TEDC1: variants seen among roughly 807,000 people sequenced by gnomAD.
TEDC1 encodes the protein tubulin epsilon and delta complex 1.
In TEDC1, 54 loss-of-function variants were observed where a neutral mutation model predicts 59.9. The ratio of observed to expected loss-of-function variants is 0.90; its 90% confidence interval spans 0.72 to 1.13. The LOEUF (loss-of-function observed/expected upper bound fraction) is 1.13, where lower values mean the gene tolerates loss of function less well. Among genes scored for constraint, TEDC1 ranks in the 50% most tolerant of loss-of-function variants. TEDC1 has a pLI of 0.00. For missense variants in TEDC1, 734 were observed against 683.4 expected, an observed-to-expected ratio of 1.07 and a Z score of -0.83; for synonymous variants, 353 against 298.1, an observed-to-expected ratio of 1.18 and a Z score of -1.90.
chr14:105,493,250 G>A (rs921347142), intron 4 of TEDC1, among the ~76,000 whole-genome samples: 1 of 152,038 alleles, frequency 6.6e-6, no homozygotes, highest in Non-Finnish European at 1.5e-5. Context: ...TGGCAGCGGC[G>A]GGCTCCCACC....
At position 105,498,907 on chromosome 14, in the gene TEDC1, C is replaced by G. The variant is rs782591171; in HGVS notation, c.1449C>G (p.Ala483=). 5 of 1,610,722 alleles carry G rather than the reference C, an allele frequency of 3.1e-6. No homozygotes were observed. Among genetic ancestry groups the G allele is most frequent in the Admixed American group, 3.3e-5 (2 of 59,848 alleles). ...CRQELARLVG[A]RPGLIWIPPP... ...AGGAACTGGCCAGGCTGGTGGGAGC[C>G]CGCCCTGGTCTCATCTGGATCCCGC... is the stretch of plus-strand genomic sequence containing the variant. The change falls in exon 9 of 9, where the codon GCC becomes GCG. Residue 483 remains alanine, a synonymous_variant. Transcript: ENST00000392523.
rs2084275152 is a variant in TEDC1, at chr14:105,493,817, C to T, written c.586-18C>T. ...GCTTGACTGCCACTCAGCCTGGGGT[C>T]TGCACTACCTGTTTTAGATCCACCT... On this transcript the variant is annotated intron_variant, in intron 4 of 8. Coordinates refer to ENST00000392523, the MANE Select transcript of TEDC1 (RefSeq NM_001367178.1). The T allele has an allele frequency of 1.9e-6, 3 of 1,589,436 alleles. No homozygotes were observed. Among genetic ancestry groups the T allele is most frequent in the Non-Finnish European group, 2.6e-6 (3 of 1,165,134 alleles).
chr14:105,495,655 C>A, intron 5 of TEDC1: 1 of 556,944 alleles, frequency 1.8e-6, no homozygotes, highest in South Asian at 2.2e-5. Flanking sequence ...TCCCTACCTG[C>A]CTTGTAGAGG....
upstream of TEDC1, chr14:105,490,367 C>G (rs2141779264): frequency 6.6e-6 from 1 of 152,472 alleles, no homozygotes; most frequent in East Asian, 1.9e-4. Context: ...ATCGCGGGAA[C>G]AGCCCCGGTG....
intron 5 of TEDC1, 77 bp from the exon 6 acceptor site, chr14:105,495,803 T>C: frequency 2.5e-6 from 3 of 1,213,220 alleles, no homozygotes; most frequent in Non-Finnish European, 3.4e-6. Context: ...GGCCTGGAAG[T>C]GAGGCCCCGC....
Position 105,498,657 on chromosome 14 carries a change from G to T in TEDC1, c.1199G>T (p.Arg400Leu). The T allele has an allele frequency of 6.4e-7, 1 of 1,554,738 alleles. No individual in the cohort carries two copies. Among genetic ancestry groups the T allele is most frequent in the South Asian group, 1.2e-5 (1 of 84,224 alleles). The change falls in exon 9 of 9, where the codon CGG (arginine) becomes CTG (leucine). Residue 400 changes from arginine to leucine, a missense_variant. Physicochemically the swap from Arg to Leu is moderately radical, Grantham distance 102 (BLOSUM62 -2). Coordinates refer to ENST00000392523, the MANE Select transcript of TEDC1 (RefSeq NM_001367178.1). Reference protein sequence around the residue: ...CGRGPEWSAARRASREAVEKE... With the variant: ...CGRGPEWSAALRASREAVEKE... ...CGGGGGCCAGAGTGGAGTGCCGCGC[G>T]GCGGGCCTCTCGGGAGGCTGTGGAA...
At chr14:105,491,733 A>G (rs1555439416) in intron 2 of TEDC1, 33 bp downstream of exon 2, 1 of 1,532,540 alleles carries the variant, frequency 6.5e-7, no homozygotes, top group South Asian at 1.2e-5. Context: ...CCCACCCGGT[A>G]GCACTGGCCC....
chr14:105,498,046 T>C, intron 8 of TEDC1, 69 bp downstream of exon 8: 2 of 1,420,990 alleles, frequency 1.4e-6, no homozygotes, highest in Non-Finnish European at 1.8e-6. Flanking sequence ...CTGAGGGCAC[T>C]TTGGACTTGC....
At chr14:105,498,296 A>G (rs1385775349) in intron 8 of TEDC1, among the ~76,000 whole-genome samples, 2 of 151,908 alleles carry the variant, frequency 1.3e-5, no homozygotes, top group Non-Finnish European at 2.9e-5. Flanking sequence ...ACTCCTCCAC[A>G]CCTGCCTGGG....
At chr14:105,491,175 G>A (rs115896717), upstream of TEDC1, 2,321 of 1,549,932 alleles carry the variant, frequency 1.5e-3, 27 homozygotes, top group African/African-American at 0.028. Context: ...CGGCCAGCGC[G>A]GTGATTGGGC....
In TEDC1 at chr14:105,498,673, G is replaced by T. The variant is rs1555441016; in HGVS notation, c.1215G>T (p.Glu405Asp). The change falls in exon 9 of 9, where the codon GAG becomes GAT. Residue 405 changes from glutamate (E) to aspartate (D), a missense_variant. Glu to Asp is a conservative substitution (Grantham distance 45). Coordinates refer to ENST00000392523, the MANE Select transcript of TEDC1 (RefSeq NM_001367178.1). ...GTGCCGCGCGGCGGGCCTCTCGGGAGGCTGTGGAAAAGGAGCTGGGAGCTC... is the reference window on the plus strand; with the variant it reads ...GTGCCGCGCGGCGGGCCTCTCGGGATGCTGTGGAAAAGGAGCTGGGAGCTC... ...EWSAARRASREAVEKELGALQ... is the reference protein window; with the variant it reads ...EWSAARRASRDAVEKELGALQ... The T allele has an allele frequency of 6.4e-7, 1 of 1,554,450 alleles. No homozygotes were observed. The highest frequency in any genetic ancestry group is 1.9e-5 in the Admixed American group (1 of 51,440).
chr14:105,492,780 G>T, intron 4 of TEDC1, 46 bp downstream of exon 4: 1 of 1,524,366 alleles, frequency 6.6e-7, no homozygotes, highest in Non-Finnish European at 8.8e-7. Flanking sequence ...GTCCCGTGCT[G>T]CAGGCCGCCA....
chr14:105,492,681 C>A lies in TEDC1; in HGVS notation c.532C>A (p.Arg178=). The part of the protein sequence containing the change: ...VQWLMGKLRF[R]WRQLVSSQQE... The stretch of plus-strand genomic sequence containing the variant: ...GTGGCTGATGGGAAAGCTGCGGTTC[C>A]GGTGGCGCCAGCTGGTGTCCAGTCA... The change falls in exon 4 of 9, where the codon CGG becomes AGG. Residue 178 remains arginine, a synonymous_variant. Transcript: ENST00000392523. 6.5e-7 allele frequency: 1 copy of A among 1,544,802 alleles called. No individual in the cohort carries two copies. The highest frequency in any genetic ancestry group is 1.2e-5 in the South Asian group (1 of 84,060).
In TEDC1 at chr14:105,498,681, A is replaced by G; in HGVS notation, c.1223A>G (p.Glu408Gly). 6.4e-7 allele frequency: 1 copy of G among 1,553,816 alleles called. No individual in the cohort carries two copies. Among genetic ancestry groups the G allele is most frequent in the Non-Finnish European group, 8.7e-7 (1 of 1,149,208 alleles). The change falls in exon 9 of 9, where the codon GAA (glutamate) becomes GGA (glycine). Residue 408 changes from glutamate to glycine, a missense_variant. Physicochemically the swap from Glu to Gly is moderately conservative, Grantham distance 98. Transcript: ENST00000392523. ...CGGCGGGCCTCTCGGGAGGCTGTGG[A>G]AAAGGAGCTGGGAGCTCTACAGCAG... ...AARRASREAV[E>G]KELGALQQCW...
chr14:105,493,335 C>A (rs1211615721), intron 4 of TEDC1, among the ~76,000 whole-genome samples: 2 of 152,000 alleles, frequency 1.3e-5, no homozygotes, highest in African/African-American at 2.4e-5. Context: ...TTTCCAGGGA[C>A]CTCTCACCCC....
Position 105,498,988 on chromosome 14 carries a change from C to T in TEDC1, c.*42C>T, listed in dbSNP as rs782717944. Reference sequence around the variant, plus strand: ...CCTCGTGTGGGAAGCCTGCCCTGGCCCAGCCTGGCTGGGTCTTGGAGGAGC... The same window carrying T: ...CCTCGTGTGGGAAGCCTGCCCTGGCTCAGCCTGGCTGGGTCTTGGAGGAGC... On this transcript the variant is annotated 3_prime_UTR_variant, in exon 9 of 9. Coordinates refer to ENST00000392523, the MANE Select transcript of TEDC1 (RefSeq NM_001367178.1). The T allele has an allele frequency of 6.5e-7, 1 of 1,546,056 alleles. No individual in the cohort carries two copies. Among genetic ancestry groups the T allele is most frequent in the East Asian group, 2.3e-5 (1 of 43,064 alleles).
intron 4 of TEDC1, among the ~76,000 whole-genome samples, chr14:105,493,221 G>C (rs1410899854): frequency 6.6e-6 from 1 of 152,122 alleles, no homozygotes; most frequent in Non-Finnish European, 1.5e-5. Context: ...TGTGAGGCCA[G>C]CGCTGACAGG....
rs1335844449 is a variant in TEDC1 at position 105,498,533 on chromosome 14, C to T, written c.1159-84C>T. ...TCCCGCATGCCTGCAGCGCCTGCAC[C>T]TGAGTCTGGGCTCAGGGAATGCTCA... On this transcript the variant is annotated intron_variant, in intron 8 of 8. Coordinates refer to ENST00000392523, the MANE Select transcript of TEDC1 (RefSeq NM_001367178.1). 2.1e-6 allele frequency: 3 copies of T among 1,410,592 alleles called. No homozygotes were observed. In the African/African-American group the frequency reaches 4.3e-5, roughly 20 times the overall value. The allele number at this position is 1,410,592 out of a possible 1,614,324, so 87.4% of individuals were successfully genotyped here. A position where few individuals can be genotyped will look rare whatever the true frequency, so the allele number is the denominator to read the frequency against.
intron 8 of TEDC1, 35 bp from the exon 9 acceptor site, chr14:105,498,582 G>C (rs1443342846): frequency 6.7e-7 from 1 of 1,502,198 alleles, no homozygotes; most frequent in African/African-American, 1.4e-5. Flanking sequence ...CAGTGTCCTG[G>C]GGGGACAGAG....
Sources: gnomAD v4.1 joint callset for allele counts (sites outside exome capture counted in the v4.1 genomes callset) on GRCh38, gnomAD v4.1.1 for gene constraint, MANE v1.5 for transcripts, NCBI Gene and HGNC (gene_info 2026-07-23, HGNC 2026-07-21) for gene names.